Variants in STIM1 observed in about 807,000 individuals in gnomAD.
The protein encoded by STIM1 is stromal interaction molecule 1.
STIM1 carries 25 observed loss-of-function variants against 74.7 expected under a neutral mutation model. The ratio of observed to expected loss-of-function variants is 0.33; its 90% CI spans 0.24 to 0.47. The LOEUF is 0.47. Ranked by LOEUF, STIM1 falls within the 20% of genes least tolerant of loss-of-function variation. The probability of loss-of-function intolerance (pLI) is 1.00; values close to 1 mark genes in which losing one functional copy is unlikely to be tolerated. For missense variants in STIM1, 728 were observed against 920.8 expected (o/e 0.79, Z 2.71); for synonymous variants, 328 against 348.8 (o/e 0.94, Z 0.66).
intron 1 of STIM1, among the ~76,000 whole-genome samples, chr11:3,934,106 G>A (rs1015510372): frequency 1.3e-5 from 2 of 152,142 alleles, no homozygotes; most frequent in Admixed American, 1.3e-4. Flanking sequence ...CTTTCACAGA[G>A]TTGTCAGGGT....
chr11:3,910,625 AC>A, intron 1 of STIM1, among the ~76,000 whole-genome samples: 1 of 152,332 alleles, frequency 6.6e-6, no homozygotes, highest in African/African-American at 2.4e-5. Context: ...TGTACTAAAT[AC>A]CACTGAATTG....
At chr11:3,906,976 T>A (rs1320046167) in intron 1 of STIM1, among the ~76,000 whole-genome samples, 4 of 152,216 alleles carry the variant, frequency 2.6e-5, no homozygotes, top group African/African-American at 4.8e-5. Flanking sequence ...GTACCTTTAC[T>A]ACTTAACACC....
chr11:3,986,819 A>G (rs2093561891), intron 2 of STIM1, among the ~76,000 whole-genome samples: 1 of 152,172 alleles, frequency 6.6e-6, no homozygotes, highest in African/African-American at 2.4e-5. Context: ...CTTGAAAAAT[A>G]TCCTTTGTAA....
Position 4,013,928 on chromosome 11 carries a change from C to T in STIM1, c.271-9945C>T, listed in dbSNP as rs112481005. On this transcript the variant is annotated intron_variant, in intron 2 of 12. Coordinates refer to ENST00000526596, the MANE Select transcript of STIM1 (RefSeq NM_001382567.1). Reference sequence around the variant, plus strand: ...TTCACCGTGTTAGCCAGGATGGTCTCGATCTCCTGACCTCGTGATCCGCCC... The same window carrying T: ...TTCACCGTGTTAGCCAGGATGGTCTTGATCTCCTGACCTCGTGATCCGCCC... Among the ~76,000 whole-genome samples, 519 of 151,758 alleles carry T rather than the reference C, an allele frequency of 3.4e-3. 2 individuals are homozygous for T. The highest frequency in any genetic ancestry group is 6.1e-3 in the Non-Finnish European group (414 of 67,940).
rs1030589294 is a variant in STIM1, at chr11:3,979,317, A to G, written c.270+11635A>G. 4.6e-5 allele frequency among the ~76,000 whole-genome samples: 7 copies of G among 152,186 alleles called. 1 individual carries two copies. The highest frequency in any genetic ancestry group is 4.6e-4 in the Admixed American group (7 of 15,298). On this transcript the variant is annotated intron_variant, in intron 2 of 12. Coordinates refer to ENST00000526596, the MANE Select transcript of STIM1 (RefSeq NM_001382567.1). ...GCCCATGTTGTACATGCTGCCAGTG[A>G]TCTTCCTAACCTACATTTGGGTTCT...
At chr11:3,990,110 C>G (rs2093596345) in intron 2 of STIM1, among the ~76,000 whole-genome samples, 2 of 152,208 alleles carry the variant, frequency 1.3e-5, no homozygotes, top group African/African-American at 2.4e-5. Context: ...GTAGTTTTGC[C>G]TATTACGGAC....
rs370302623 is a variant in STIM1 at position 3,960,166 on chromosome 11, C to T, written c.140-7386C>T. On this transcript the variant is annotated intron_variant, in intron 1 of 12. Transcript: ENST00000526596. ...GTAAGTTGACATACCTCTTTTTTTT[C>T]AGGCAGCACTATCATTAGTTGAAAG... Among the ~76,000 whole-genome samples the T allele has an allele frequency of 5.9e-5, 9 of 152,030 alleles. No individual in the cohort carries two copies. In the East Asian group the frequency reaches 1.7e-3, roughly 29 times the overall value.
At chr11:4,012,368 C>T (rs939177735) in intron 2 of STIM1, among the ~76,000 whole-genome samples, 2 of 152,174 alleles carry the variant, frequency 1.3e-5, no homozygotes, top group African/African-American at 4.8e-5. Flanking sequence ...ATGGAATGCT[C>T]TTCCATTTGT....
chr11:3,882,500 T>C (rs1247103216), intron 1 of STIM1, among the ~76,000 whole-genome samples: 1 of 152,210 alleles, frequency 6.6e-6, no homozygotes, highest in Non-Finnish European at 1.5e-5. Context: ...TGTTTCCACC[T>C]TTTGGCTCTT....
intron 2 of STIM1, among the ~76,000 whole-genome samples, chr11:3,984,305 C>G (rs928984805): frequency 2.0e-5 from 3 of 152,184 alleles, no homozygotes; most frequent in African/African-American, 7.2e-5. Context: ...TTCTAGTTCT[C>G]TGCCTGTATC....
At chr11:4,063,535 T>G (rs1050277697) in intron 5 of STIM1, among the ~76,000 whole-genome samples, 5 of 152,258 alleles carry the variant, frequency 3.3e-5, no homozygotes, top group African/African-American at 9.6e-5. Context: ...ATACACTTAA[T>G]AGACTACAGT....
At position 4,041,975 on chromosome 11, in the gene STIM1, G is replaced by T. The variant is rs527664188; in HGVS notation, c.386-13551G>T. ...TAACTAACAGCTGTGTGAAGGAGGG[G>T]CAAAGAAAGTACTGGCAACCTTCCT... is the stretch of plus-strand genomic sequence containing the variant. On this transcript the variant is annotated intron_variant, in intron 3 of 12. Coordinates refer to ENST00000526596, the MANE Select transcript of STIM1 (RefSeq NM_001382567.1). Among the ~76,000 whole-genome samples, 4 of 152,318 alleles carry T rather than the reference G, an allele frequency of 2.6e-5. 1 individual carries two copies. In the South Asian group the frequency reaches 8.3e-4, roughly 32 times the overall value.
At chr11:4,027,659 T>C (rs1475092368) in intron 3 of STIM1, among the ~76,000 whole-genome samples, 3 of 152,196 alleles carry the variant, frequency 2.0e-5, no homozygotes, top group Non-Finnish European at 4.4e-5. Context: ...CCAGCTTTAT[T>C]CATTTTTTAT....
chr11:3,871,647 T>A (rs2091100668), intron 1 of STIM1, among the ~76,000 whole-genome samples: 1 of 152,252 alleles, frequency 6.6e-6, no homozygotes, highest in Non-Finnish European at 1.5e-5. Context: ...CATTGTTTTC[T>A]TGAAACTTTT....
At chr11:3,870,922 GA>G (rs1404688498) in intron 1 of STIM1, among the ~76,000 whole-genome samples, 1 of 146,256 alleles carries the variant, frequency 6.8e-6, no homozygotes, top group African/African-American at 2.5e-5. Flanking sequence ...CGCCAGGCTG[GA>G]GTGCAGTGGT....
At chr11:3,973,797 T>C (rs2093418924) in intron 2 of STIM1, 2 of 335,818 alleles carry the variant, frequency 6.0e-6, no homozygotes, top group Non-Finnish European at 1.1e-5. Flanking sequence ...CACTGTAGCC[T>C]TTACCTCCCA....
chr11:3,864,097 A>T (rs1346704328), intron 1 of STIM1, among the ~76,000 whole-genome samples: 1 of 151,998 alleles, frequency 6.6e-6, no homozygotes, highest in South Asian at 2.1e-4. Flanking sequence ...CTTTTATTCA[A>T]GGCTTACTGT....
At chr11:3,897,964 G>T (rs1404864592) in intron 1 of STIM1, among the ~76,000 whole-genome samples, 3 of 152,072 alleles carry the variant, frequency 2.0e-5, no homozygotes, top group Non-Finnish European at 2.9e-5. Context: ...GAATAATGCC[G>T]CAATAAACAT....
intron 2 of STIM1, among the ~76,000 whole-genome samples, chr11:4,010,204 C>G (rs1021906034): frequency 6.7e-6 from 1 of 150,036 alleles, no homozygotes; most frequent in Non-Finnish European, 1.5e-5. Flanking sequence ...AGAGTCTGGC[C>G]TTGTCATCCA....
Sources: gnomAD v4.1 joint callset for allele counts (sites outside exome capture counted in the v4.1 genomes callset) on GRCh38, gnomAD v4.1.1 for gene constraint, MANE v1.5 for transcripts, NCBI Gene and HGNC (gene_info 2026-07-23, HGNC 2026-07-21) for gene names.